ITGB4: variants seen among roughly 807,000 people sequenced by gnomAD.
ITGB4 encodes integrin beta-4.
ITGB4 carries 159 observed loss-of-function variants against 207.6 expected under a neutral mutation model. The ratio of observed to expected loss-of-function variants is 0.77; its 90% CI spans 0.67 to 0.87. The LOEUF (loss-of-function observed/expected upper bound fraction) is 0.87, where lower values mean the gene tolerates loss of function less well. Among genes scored for constraint, ITGB4 ranks in the 40% least tolerant of loss-of-function variants. The probability of loss-of-function intolerance (pLI) is 0.00; values close to 1 mark genes in which losing one functional copy is unlikely to be tolerated. For missense variants in ITGB4, 2,278 were observed against 2,546.8 expected (o/e 0.89, Z 2.27); for synonymous variants, 1,020 against 1,062.7 (o/e 0.96, Z 0.78).
intron 8 of ITGB4, 55 bp downstream of exon 8, chr17:75,730,559 G>C: frequency 6.3e-7 from 1 of 1,596,112 alleles, no homozygotes; most frequent in Middle Eastern, 1.7e-4. Context: ...GGTCCATGGA[G>C]CTTCTCAGAC....
In ITGB4 at chr17:75,748,928, G is replaced by A. The variant is rs562184254; in HGVS notation, c.3199G>A (p.Val1067Ile). ...LQVKLLELQE[V>I]DSLLRGRQVR... Reference sequence around the variant, plus strand: ...GGTGAAGCTCCTGGAGCTGCAAGAAGTTGACTCCCTCCTGCGGGGCCGCCA... The same window carrying A: ...GGTGAAGCTCCTGGAGCTGCAAGAAATTGACTCCCTCCTGCGGGGCCGCCA... The change falls in exon 27 of 40, where the codon GTT becomes ATT. Residue 1067 changes from valine to isoleucine, a missense_variant. Coordinates refer to ENST00000200181, the MANE Select transcript of ITGB4 (RefSeq NM_000213.5). 2 of 1,613,362 alleles carry A rather than the reference G, an allele frequency of 1.2e-6. No homozygotes were observed. The highest frequency in any genetic ancestry group is 1.1e-5 in the South Asian group (1 of 91,046).
At position 75,736,397 on chromosome 17, in the gene ITGB4, G is replaced by A. The variant is rs754306045; in HGVS notation, c.1860+11G>A. The A allele has an allele frequency of 1.2e-6, 2 of 1,613,716 alleles. No homozygotes were observed. The highest frequency in any genetic ancestry group is 1.7e-6 in the Non-Finnish European group (2 of 1,179,620). On this transcript the variant is annotated intron_variant, in intron 15 of 39. Coordinates refer to ENST00000200181, the MANE Select transcript of ITGB4 (RefSeq NM_000213.5). The stretch of plus-strand genomic sequence containing the variant: ...ATCAACTACTCGGCGGTGAGGCTAA[G>A]ACCTACGAGGTGTGGGCGTGGGAAC...
At chr17:75,754,448 G>A (rs1420103289) in intron 33 of ITGB4, 128 bp from the exon 34 acceptor site, 1 of 1,202,162 alleles carries the variant, frequency 8.3e-7, no homozygotes, top group Non-Finnish European at 1.2e-6. Flanking sequence ...TGGTTTGAGG[G>A]AAACTGGTTG....
intron 5 of ITGB4, 63 bp from the exon 6 acceptor site, chr17:75,728,314 G>C (rs1483817550): frequency 2.1e-6 from 3 of 1,407,708 alleles, no homozygotes; most frequent in African/African-American, 1.4e-5. Context: ...CCTTGGTGGG[G>C]GGCCCGTGTT....
rs921148457 is a variant in ITGB4, at chr17:75,752,540, A to C, written c.4071A>C (p.Pro1357=). ...LMYSDDVLRS[P]SGSQRPSVSD... is the part of the protein sequence containing the mutation. ...ACAGCGATGACGTTCTACGCTCTCCATCGGGCAGCCAGAGGCCCAGCGTCT... is the reference window on the plus strand; with the variant it reads ...ACAGCGATGACGTTCTACGCTCTCCCTCGGGCAGCCAGAGGCCCAGCGTCT... The change falls in exon 32 of 40, where the codon CCA becomes CCC. Residue 1357 remains proline (P), a synonymous_variant. Coordinates refer to ENST00000200181, the MANE Select transcript of ITGB4 (RefSeq NM_000213.5). 6.2e-7 allele frequency: 1 copy of C among 1,613,524 alleles called. No individual in the cohort carries two copies. Among genetic ancestry groups the C allele is most frequent in the Non-Finnish European group, 8.5e-7 (1 of 1,180,022 alleles).
chr17:75,736,859 A>G, intron 16 of ITGB4, 165 bp downstream of exon 16: 1 of 789,382 alleles, frequency 1.3e-6, no homozygotes, highest in South Asian at 1.7e-5. Flanking sequence ...CAGATAGAGG[A>G]CACCGAATCC....
chr17:75,726,479 C>T (rs956543665), intron 2 of ITGB4, among the ~76,000 whole-genome samples: 3 of 151,790 alleles, frequency 2.0e-5, no homozygotes, highest in South Asian at 4.1e-4. Flanking sequence ...CGCCTGTAAT[C>T]CCAGCACTTT....
intron 34 of ITGB4, 21 bp from the exon 35 acceptor site, chr17:75,755,680 A>ACATCT: frequency 6.2e-7 from 1 of 1,612,326 alleles, no homozygotes; most frequent in South Asian, 1.1e-5. Flanking sequence ...TCTCTGGCTG[A>ACATCT]CTGCGGCCTC....
Position 75,737,351 on chromosome 17 carries a change from C to T in ITGB4, c.2020C>T (p.Arg674Trp), listed in dbSNP as rs1191842048. Reference sequence around the variant, plus strand: ...GGAGGTGGTGGTGCGCTGCTCCTTCCGGGACGAGGATGACGACTGCACCTA... The same window carrying T: ...GGAGGTGGTGGTGCGCTGCTCCTTCTGGGACGAGGATGACGACTGCACCTA... ...AEEVVVRCSF[R>W]DEDDDCTYSY... Residue 674 changes from arginine (R) to tryptophan (W), a missense_variant, in exon 17 of 40, where the codon CGG (arginine) becomes TGG (tryptophan). Coordinates refer to ENST00000200181, the MANE Select transcript of ITGB4 (RefSeq NM_000213.5). 9.4e-6 allele frequency: 15 copies of T among 1,591,514 alleles called. No individual in the cohort carries two copies. In the South Asian group the frequency reaches 1.1e-4, roughly 12 times the overall value.
chr17:75,742,383 C>A lies in ITGB4; in HGVS notation c.2676C>A (p.Arg892=), dbSNP rs746768162. The stretch of plus-strand genomic sequence containing the variant: ...TGGACACAGTGCTGATGGCGCCCCG[C>A]TCGGCCAAGCCGGCCCTGCTGAAGC... ...TIVDTVLMAP[R]SAKPALLKLT... The change falls in exon 24 of 40, where the codon CGC becomes CGA. Residue 892 remains arginine, a synonymous_variant. Coordinates refer to ENST00000200181, the MANE Select transcript of ITGB4 (RefSeq NM_000213.5). This position sits in a 1 kb window ranked among gnomAD's most constrained non-coding sequence, Gnocchi z 5.9. The A allele has an allele frequency of 1.2e-6, 2 of 1,613,424 alleles. No homozygotes were observed. Among genetic ancestry groups the A allele is most frequent in the South Asian group, 2.2e-5 (2 of 91,084 alleles).
chr17:75,757,420 G>A lies in ITGB4; in HGVS notation c.5334G>A (p.Gly1778=). The change falls in exon 40 of 40, where the codon GGG becomes GGA. Residue 1778 remains glycine, a synonymous_variant. Coordinates refer to ENST00000200181, the MANE Select transcript of ITGB4 (RefSeq NM_000213.5). ...TSATEPFLVD[G]LTLGAQHLEA... ...CTAATGCCTCCTCCTCCACAGATGG[G>A]CTGACCCTGGGGGCCCAGCACCTGG... 1 of 1,613,140 alleles carries A rather than the reference G, an allele frequency of 6.2e-7. No individual in the cohort carries two copies. The highest frequency in any genetic ancestry group is 8.5e-7 in the Non-Finnish European group (1 of 1,179,986).
intron 16 of ITGB4, among the ~76,000 whole-genome samples, chr17:75,736,956 G>A (rs1392066019): frequency 1.3e-5 from 2 of 152,136 alleles, no homozygotes; most frequent in African/African-American, 4.8e-5. Flanking sequence ...GAGTCTTGGT[G>A]GGAGGCACCT....
At chr17:75,743,907 T>G (rs763555778) in intron 26 of ITGB4, 46 bp downstream of exon 26, 22 of 1,538,394 alleles carry the variant, frequency 1.4e-5, no homozygotes, top group Non-Finnish European at 1.8e-5. Context: ...GGGGGCTGCG[T>G]GGGCACCGCA....
Position 75,742,887 on chromosome 17 carries a change from G to T in ITGB4, c.2962+126G>T. Reference sequence around the variant, plus strand: ...AGTCACTTAACCTCTGCAAGCCTTGGTTTCTCCATCTGTAAAATGGGTAAG... The same window carrying T: ...AGTCACTTAACCTCTGCAAGCCTTGTTTTCTCCATCTGTAAAATGGGTAAG... On this transcript the variant is annotated intron_variant, in intron 25 of 39. Coordinates refer to ENST00000200181, the MANE Select transcript of ITGB4 (RefSeq NM_000213.5). This position sits in a 1 kb window ranked among gnomAD's most constrained non-coding sequence, Gnocchi z 5.9. 1 of 880,278 alleles carries T rather than the reference G, an allele frequency of 1.1e-6. No homozygotes were observed. The highest frequency in any genetic ancestry group is 1.7e-6 in the Non-Finnish European group (1 of 581,048). The allele number at this position is 880,278 out of a possible 1,614,324, so 54.5% of individuals were successfully genotyped here.
chr17:75,740,669 G>A lies in ITGB4; in HGVS notation c.2551-124G>A. Reference sequence around the variant, plus strand: ...TGGGCCCAGGATGCTGCCCCACGGGGCATGCCCCAGCCAACCCTGAGGATC... The same window carrying A: ...TGGGCCCAGGATGCTGCCCCACGGGACATGCCCCAGCCAACCCTGAGGATC... On this transcript the variant is annotated intron_variant, in intron 21 of 39. Transcript: ENST00000200181. This position sits in a 1 kb window ranked among gnomAD's most constrained non-coding sequence, Gnocchi z 5.9. 8.5e-7 allele frequency: 1 copy of A among 1,176,076 alleles called. No individual in the cohort carries two copies. The highest frequency in any genetic ancestry group is 1.3e-6 in the Non-Finnish European group (1 of 791,504). The allele number at this position is 1,176,076 out of a possible 1,614,324, so 72.9% of individuals were successfully genotyped here. A position where few individuals can be genotyped will look rare whatever the true frequency, so the allele number is the denominator to read the frequency against.
intron 16 of ITGB4, 133 bp from the exon 17 acceptor site, chr17:75,737,189 A>C (rs1293215388): frequency 1.0e-5 from 12 of 1,153,826 alleles, no homozygotes; most frequent in Non-Finnish European, 6.1e-6. Flanking sequence ...CTTTGCAAGG[A>C]CTTCCACTCT....
At position 75,730,573 on chromosome 17, in the gene ITGB4, TCTCCCTCC is replaced by T. The variant is rs541924596; in HGVS notation, c.1002+92_1002+99del. On this transcript the variant is annotated intron_variant, in intron 8 of 39. Coordinates refer to ENST00000200181, the MANE Select transcript of ITGB4 (RefSeq NM_000213.5). ...GGGTCCATGGAGCTTCTCAGACACC[TCTCCCTCC>T]CTCCCTCCCTCCCTCCCTCCCTTCC... 842 of 1,252,000 alleles carry T rather than the reference TCTCCCTCC, an allele frequency of 6.7e-4. 12 individuals carry two copies. In the African/African-American group the frequency reaches 0.011, roughly 17 times the overall value. 77.6% of individuals were successfully genotyped at this position (1,252,000 alleles called of 1,614,324 possible). A position where few individuals can be genotyped will look rare whatever the true frequency, so the allele number is the denominator to read the frequency against.
chr17:75,739,792 AGAG>A lies in ITGB4; in HGVS notation c.2255-86_2255-84del. ...GGAGGGAAGCTGAACCTGGAACGGCAGAGGCTGGAGGCTCTGGGGTCCCACCTG... is the reference window on the plus strand; with the variant it reads ...GGAGGGAAGCTGAACCTGGAACGGCAGCTGGAGGCTCTGGGGTCCCACCTG... On this transcript the variant is annotated intron_variant, in intron 19 of 39. Transcript: ENST00000200181. The surrounding 1 kb of genome is among the most constrained non-coding windows in gnomAD (Gnocchi z 5.4). The A allele has an allele frequency of 6.2e-7, 1 of 1,610,122 alleles. No homozygotes were observed. Among genetic ancestry groups the A allele is most frequent in the South Asian group, 1.1e-5 (1 of 90,994 alleles).
At chr17:75,741,531 C>T (rs749951334) in intron 23 of ITGB4, among the ~76,000 whole-genome samples, 8 of 152,218 alleles carry the variant, frequency 5.3e-5, no homozygotes, top group Non-Finnish European at 1.0e-4. Flanking sequence ...GTTGGCTGTG[C>T]GTGGTGGCTC....
Sources: gnomAD v4.1 joint callset for allele counts (sites outside exome capture counted in the v4.1 genomes callset) on GRCh38, gnomAD v4.1.1 for gene constraint, Gnocchi (gnomAD v3.1) non-coding constraint, MANE v1.5 for transcripts, NCBI Gene and HGNC (gene_info 2026-07-23, HGNC 2026-07-21) for gene names.